Variants in AK8 observed in about 807,000 individuals in gnomAD.
AK8 encodes the protein ATP-AMP transphosphorylase 8.
Under a neutral mutation model 54.6 loss-of-function variants are expected in AK8, and 44 were observed. That is an observed-to-expected ratio of 0.81 (90% confidence interval 0.63 to 1.04). The LOEUF is 1.04. AK8 is among the 50% of genes least tolerant of loss of function. AK8 has a pLI of 0.00. For synonymous variants in AK8, 239 were observed against 245.6 expected (o/e 0.97, Z 0.25); for missense variants, 555 against 613.6 (o/e 0.90, Z 1.01).
At chr9:132,848,450 G>GT (rs1389481458) in intron 5 of AK8, among the ~76,000 whole-genome samples, 1 of 152,186 alleles carries the variant, frequency 6.6e-6, no homozygotes, top group African/African-American at 2.4e-5. Flanking sequence ...GACACTCTGA[G>GT]TTAAGAGTGT....
rs754091232 is a variant in AK8 at position 132,866,932 on chromosome 9, C to T, written c.191G>A (p.Gly64Asp). Reference protein sequence around the residue: ...NDNVPRIVILGPPASGKTTIA... With the variant: ...NDNVPRIVILDPPASGKTTIA... Reference sequence around the variant, plus strand: ...TGTTGTTTTCCCTGAGGCGGGTGGACCTAATATTACAATCCTGGGCACTGT... The same window carrying T: ...TGTTGTTTTCCCTGAGGCGGGTGGATCTAATATTACAATCCTGGGCACTGT... Residue 64 changes from glycine to aspartate, a missense_variant, in exon 3 of 13, where the codon GGT becomes GAT. Physicochemically the swap from Gly to Asp is moderately conservative, Grantham distance 94. Transcript: ENST00000298545. 3 of 1,613,888 alleles carry T rather than the reference C, an allele frequency of 1.9e-6. No individual in the cohort carries two copies. The Admixed American group carries it at 5.0e-5, about 27-fold the overall frequency.
intron 5 of AK8, among the ~76,000 whole-genome samples, chr9:132,840,601 G>A (rs1842504859): frequency 6.6e-6 from 1 of 152,102 alleles, no homozygotes; most frequent in African/African-American, 2.4e-5. Context: ...GGTTTCAAAA[G>A]TGCACCACAG....
At chr9:132,734,831 A>C (rs188387931) in intron 11 of AK8, among the ~76,000 whole-genome samples, 9 of 152,254 alleles carry the variant, frequency 5.9e-5, no homozygotes, top group Admixed American at 5.2e-4. Context: ...AGAGTTTGAG[A>C]CCAGACTGGC....
chr9:132,738,431 T>A (rs562174536), intron 11 of AK8, among the ~76,000 whole-genome samples: 1 of 152,280 alleles, frequency 6.6e-6, no homozygotes, highest in Admixed American at 6.5e-5. Context: ...TTTTTTAATT[T>A]AAAAAAGTTT....
intron 11 of AK8, among the ~76,000 whole-genome samples, chr9:132,787,154 T>G (rs557988390): frequency 5.7e-4 from 86 of 151,934 alleles, no homozygotes; most frequent in Non-Finnish European, 1.1e-3. Context: ...AGAAGCCCAG[T>G]CCTGAAGATC....
intron 10 of AK8, among the ~76,000 whole-genome samples, chr9:132,813,884 C>T (rs561654314): frequency 1.3e-5 from 2 of 152,294 alleles, no homozygotes; most frequent in East Asian, 1.9e-4. Context: ...GGACCAATGC[C>T]GGTCAACACT....
chr9:132,800,986 G>A lies in AK8; in HGVS notation c.980-8211C>T, dbSNP rs546169590. Among the ~76,000 whole-genome samples, 433 of 150,090 alleles carry A rather than the reference G, an allele frequency of 2.9e-3. 3 individuals carry two copies. The highest frequency in any genetic ancestry group is 6.9e-3 in the Middle Eastern group (2 of 290). Reference sequence around the variant, plus strand: ...GTCGCCCAGGCTGGAGTGCAGTGGCGCGATTTCGGATCACTACAACCTCTA... The same window carrying A: ...GTCGCCCAGGCTGGAGTGCAGTGGCACGATTTCGGATCACTACAACCTCTA... On this transcript the variant is annotated intron_variant, in intron 10 of 12. Coordinates refer to ENST00000298545, the MANE Select transcript of AK8 (RefSeq NM_152572.3).
At chr9:132,835,271 T>C (rs1842277402) in intron 5 of AK8, among the ~76,000 whole-genome samples, 1 of 152,218 alleles carries the variant, frequency 6.6e-6, no homozygotes, top group East Asian at 1.9e-4. Context: ...AAGACACAGT[T>C]TGAAGAACAA....
At chr9:132,773,869 G>A (rs1050747044) in intron 11 of AK8, among the ~76,000 whole-genome samples, 34 of 152,192 alleles carry the variant, frequency 2.2e-4, no homozygotes, top group African/African-American at 8.0e-4. Flanking sequence ...CTTGTAAAAA[G>A]ATAAGATTTG....
chr9:132,772,534 C>A (rs1168266988), intron 11 of AK8, among the ~76,000 whole-genome samples: 1 of 152,202 alleles, frequency 6.6e-6, no homozygotes, highest in Non-Finnish European at 1.5e-5. Flanking sequence ...CCTGCTGGCA[C>A]CTTGATCTTG....
intron 2 of AK8, among the ~76,000 whole-genome samples, chr9:132,871,867 T>C (rs1843852360): frequency 6.6e-6 from 1 of 152,262 alleles, no homozygotes; most frequent in Admixed American, 6.5e-5. Flanking sequence ...AGAAAGATGA[T>C]GTTTAAACTT....
chr9:132,866,618 G>A (rs1479948783), intron 3 of AK8, among the ~76,000 whole-genome samples: 1 of 152,180 alleles, frequency 6.6e-6, no homozygotes, highest in Non-Finnish European at 1.5e-5. Context: ...ATAGCGAAGG[G>A]TGAGCAAGGA....
At chr9:132,763,056 G>A (rs1838559927) in intron 11 of AK8, among the ~76,000 whole-genome samples, 1 of 152,148 alleles carries the variant, frequency 6.6e-6, no homozygotes, top group African/African-American at 2.4e-5. Context: ...GTCCTCACAG[G>A]CCCTATGCCC....
intron 9 of AK8, among the ~76,000 whole-genome samples, chr9:132,822,837 C>T (rs957809105): frequency 5.3e-5 from 8 of 152,104 alleles, no homozygotes; most frequent in Non-Finnish European, 7.4e-5. Flanking sequence ...CAGCACATTC[C>T]TATTACGCAG....
intron 11 of AK8, among the ~76,000 whole-genome samples, chr9:132,745,047 T>TAA (rs1837576018): frequency 6.6e-6 from 1 of 152,102 alleles, no homozygotes; most frequent in Admixed American, 6.6e-5. Context: ...TTAAAAAACC[T>TAA]AAACGGCCCC....
chr9:132,786,914 T>C (rs1433860966), intron 11 of AK8, among the ~76,000 whole-genome samples: 1 of 151,748 alleles, frequency 6.6e-6, no homozygotes, highest in Non-Finnish European at 1.5e-5. Context: ...AAAAAAACCA[T>C]GAAATAAGAT....
chr9:132,845,038 C>T (rs1842692408), intron 5 of AK8, among the ~76,000 whole-genome samples: 1 of 152,208 alleles, frequency 6.6e-6, no homozygotes, highest in Non-Finnish European at 1.5e-5. Context: ...GCCACCTCCG[C>T]AAGGTTGCTG....
chr9:132,814,802 G>A, intron 9 of AK8, 75 bp from the exon 10 acceptor site: 1 of 1,320,540 alleles, frequency 7.6e-7, no homozygotes, highest in Middle Eastern at 2.1e-4. Context: ...AGAACCCCCA[G>A]TGCTGCCTGC....
At chr9:132,875,837 G>A (rs1017404085) in intron 1 of AK8, among the ~76,000 whole-genome samples, 2 of 152,210 alleles carry the variant, frequency 1.3e-5, no homozygotes, top group African/African-American at 2.4e-5. Context: ...CAGCGCAGAT[G>A]TTTGCTGGGG....
Sources: allele counts gnomAD v4.1 joint callset (sites outside exome capture counted in the v4.1 genomes callset), GRCh38; gene constraint gnomAD v4.1.1; transcripts MANE v1.5; gene names NCBI Gene and HGNC (gene_info 2026-07-23, HGNC 2026-07-21).